The following DNAH12 variants were observed in gnomAD, a reference collection of about 807,000 sequenced individuals.
The protein encoded by DNAH12 is axonemal beta dynein heavy chain 12.
In DNAH12, 285 loss-of-function variants were observed where a neutral mutation model predicts 371.5. The observed-to-expected ratio is 0.77, with a 90% CI of 0.70 to 0.85. DNAH12 has a LOEUF of 0.85. Ranked by LOEUF, DNAH12 falls within the 40% of genes least tolerant of loss-of-function variation. DNAH12 has a pLI of 0.00. For missense variants in DNAH12, 3,611 were observed against 3,689.4 expected (o/e 0.98, Z 0.55); for synonymous variants, 1,200 against 1,213.0 (o/e 0.99, Z 0.22).
In DNAH12 at chr3:57,361,175, C is replaced by A. The variant is rs2062919163; in HGVS notation, c.9360+2419G>T. Among the ~76,000 whole-genome samples, 6 of 151,612 alleles carry A rather than the reference C, an allele frequency of 4.0e-5. No homozygotes were observed. The South Asian group carries it at 1.3e-3, about 32-fold the overall frequency. ...GACCAACCTGGCCAACATGATGAAA[C>A]CCTGTCTCTACTAAAAATACAAAAA... is the stretch of plus-strand genomic sequence containing the variant. On this transcript the variant is annotated intron_variant, in intron 58 of 73. Transcript: ENST00000495027.
chr3:57,338,831 C>T (rs1575474056), intron 60 of DNAH12, among the ~76,000 whole-genome samples: 1 of 152,340 alleles, frequency 6.6e-6, no homozygotes, highest in East Asian at 1.9e-4. Context: ...TGCAATCTTC[C>T]AAGTGTGAAG....
chr3:57,334,485 G>C lies in DNAH12; in HGVS notation c.9958C>G (p.Arg3320Gly). Residue 3320 changes from arginine (R) to glycine (G), a missense_variant, in exon 62 of 74, where the codon CGG (arginine) becomes GGG (glycine). Transcript: ENST00000495027. ...TTTACCTTATCAGGTCTTAAACACCGAAGAATTATTATTTTCTGTAGTTCA... is the reference window on the plus strand; with the variant it reads ...TTTACCTTATCAGGTCTTAAACACCCAAGAATTATTATTTTCTGTAGTTCA... ...LNELQKIIIL[R>G]CLRPDKITPA... The C allele has an allele frequency of 6.5e-7, 1 of 1,548,594 alleles. No homozygotes were observed. Among genetic ancestry groups the C allele is most frequent in the South Asian group, 1.2e-5 (1 of 83,036 alleles).
At chr3:57,499,673 T>TATATATATATACACACACAC (rs771112538) in intron 11 of DNAH12, among the ~76,000 whole-genome samples, 2 of 44,462 alleles carry the variant, frequency 4.5e-5, no homozygotes, top group African/African-American at 8.9e-5. Context: ...TATATATATA[T>TATATATATATACACACACAC]ATACTTCTTA....
In DNAH12 at chr3:57,523,581, A is replaced by T; in HGVS notation, c.279+2T>A. 6.3e-7 allele frequency: 1 copy of T among 1,577,258 alleles called. No individual in the cohort carries two copies. Among genetic ancestry groups the T allele is most frequent in the Non-Finnish European group, 8.6e-7 (1 of 1,162,770 alleles). ...ACAAGAAATATAAAAACTTGAACTC[A>T]CTCCTTTTTTTTTCATTTCACTGGT... On this transcript the variant is annotated splice_donor_variant, in intron 4 of 73. Transcript: ENST00000495027. LOFTEE classifies it high-confidence loss of function.
intron 66 of DNAH12, 105 bp downstream of exon 66, chr3:57,314,389 C>T: frequency 7.4e-7 from 1 of 1,345,870 alleles, no homozygotes. Flanking sequence ...CATCTACCCA[C>T]CTGTTAGTGT....
chr3:57,438,256 A>T (rs1453487788), intron 29 of DNAH12, among the ~76,000 whole-genome samples: 4 of 152,194 alleles, frequency 2.6e-5, no homozygotes, highest in Non-Finnish European at 4.4e-5. Flanking sequence ...GCTTGCAGTG[A>T]GCCAAGATTG....
chr3:57,427,127 G>T (rs1051233782), intron 34 of DNAH12, among the ~76,000 whole-genome samples: 5 of 105,448 alleles, frequency 4.7e-5, no homozygotes, highest in African/African-American at 8.1e-5. Context: ...TTATTTATAT[G>T]TAAGAAGCGA....
chr3:57,377,914 C>G (rs1335543992), intron 52 of DNAH12, among the ~76,000 whole-genome samples: 1 of 152,002 alleles, frequency 6.6e-6, no homozygotes, highest in Admixed American at 6.6e-5. Flanking sequence ...AGAGTGTGTG[C>G]CTGTTAGAAA....
At chr3:57,545,360 T>C (rs2069485874), upstream of DNAH12, among the ~76,000 whole-genome samples, 1 of 151,144 alleles carries the variant, frequency 6.6e-6, no homozygotes, top group Admixed American at 6.6e-5. Context: ...GGTTTCTCCA[T>C]GTTGGTCAGG....
At chr3:57,479,636 C>A (rs1486794046) in intron 13 of DNAH12, among the ~76,000 whole-genome samples, 2 of 152,172 alleles carry the variant, frequency 1.3e-5, no homozygotes, top group Non-Finnish European at 2.9e-5. Context: ...CAGCACCACA[C>A]AGCACTTATT....
upstream of DNAH12, among the ~76,000 whole-genome samples, chr3:57,546,710 T>C (rs1031985487): frequency 2.0e-5 from 3 of 152,344 alleles, no homozygotes; most frequent in South Asian, 2.1e-4. Flanking sequence ...GTGTATGATA[T>C]ACCCACCTTC....
chr3:57,477,202 T>G (rs2066562145), intron 13 of DNAH12, among the ~76,000 whole-genome samples: 1 of 152,192 alleles, frequency 6.6e-6, no homozygotes, highest in Non-Finnish European at 1.5e-5. Flanking sequence ...AGACGGCACC[T>G]GGAAAATCAG....
intron 60 of DNAH12, among the ~76,000 whole-genome samples, chr3:57,351,467 T>C (rs570519223): frequency 6.6e-6 from 1 of 152,152 alleles, no homozygotes; most frequent in South Asian, 2.1e-4. Context: ...TACACAAGAG[T>C]GTTCATAGCA....
At chr3:57,307,408 C>T (rs1177479227) in intron 69 of DNAH12, among the ~76,000 whole-genome samples, 1 of 152,190 alleles carries the variant, frequency 6.6e-6, no homozygotes, top group African/African-American at 2.4e-5. Context: ...TACCCACAGC[C>T]CAAATACGGG....
chr3:57,536,317 G>C (rs1398812703), intron 2 of DNAH12: 1 of 152,040 alleles, frequency 6.6e-6, no homozygotes, highest in Non-Finnish European at 1.5e-5. Context: ...AATCTTCTCT[G>C]TATTGTTCCA....
rs975711681 is a variant in DNAH12 at position 57,397,363 on chromosome 3, C to G, written c.6949-3031G>C. 2.0e-5 allele frequency among the ~76,000 whole-genome samples: 3 copies of G among 152,180 alleles called. No homozygotes were observed. In the East Asian group the frequency reaches 5.8e-4, roughly 29 times the overall value. ...TCAAATTTTTCTCACTCTAGCTCCT[C>G]CCCCAGCTGGGCACAGTTTGGGGAG... On this transcript the variant is annotated intron_variant, in intron 43 of 73. Transcript: ENST00000495027.
At chr3:57,548,818 T>C (rs1455715780), upstream of DNAH12, 2 of 152,140 alleles carry the variant, frequency 1.3e-5, no homozygotes, top group East Asian at 3.8e-4. Context: ...AAGTGAAAAT[T>C]TAAAAGATTT....
At chr3:57,314,281 G>A (rs921218235) in intron 66 of DNAH12, among the ~76,000 whole-genome samples, 1 of 152,140 alleles carries the variant, frequency 6.6e-6, no homozygotes, top group Non-Finnish European at 1.5e-5. Context: ...TGAGTAATGA[G>A]TTTCATTGTG....
intron 49 of DNAH12, among the ~76,000 whole-genome samples, chr3:57,384,576 G>A (rs2063463526): frequency 6.6e-6 from 1 of 152,198 alleles, no homozygotes; most frequent in East Asian, 1.9e-4. Flanking sequence ...CCCAGGAGAT[G>A]GAGGCTGCAG....
Sources: gnomAD v4.1 joint callset for allele counts (sites outside exome capture counted in the v4.1 genomes callset) on GRCh38, gnomAD v4.1.1 for gene constraint, MANE v1.5 for transcripts, NCBI Gene and HGNC (gene_info 2026-07-23, HGNC 2026-07-21) for gene names.